CKLF: variants seen among roughly 807,000 people sequenced by gnomAD.
CKLF encodes chemokine-like factor.
In CKLF, 16 loss-of-function variants were observed where a neutral mutation model predicts 12.9. The observed-to-expected ratio is 1.24, with a 90% CI of 0.84 to 1.88. CKLF has a LOEUF of 1.88. Ranked by LOEUF, CKLF falls within the 40% of genes most tolerant of loss-of-function variation. The pLI, the probability that CKLF is intolerant of heterozygous loss-of-function variation, is 0.00. For synonymous variants in CKLF, 61 were observed against 69.0 expected (o/e 0.88, Z 0.57); for missense variants, 172 against 188.5 (o/e 0.91, Z 0.51).
chr16:66,553,241 C>T (rs1422495821), intron 1 of CKLF, among the ~76,000 whole-genome samples: 1 of 151,796 alleles, frequency 6.6e-6, no homozygotes, highest in South Asian at 2.1e-4. Context: ...ACCCACAAAC[C>T]GGGTACCCAG....
chr16:66,563,109 T>C lies in CKLF; in HGVS notation c.238-13T>C. ...GTCTTCATGTAAGGCTCAGCTTTAT[T>C]GTGTGTTTTTAGGATATTATCAACT... On this transcript the variant is annotated splice_polypyrimidine_tract_variant and intron_variant, in intron 2 of 3. Coordinates refer to ENST00000264001, the MANE Select transcript of CKLF (RefSeq NM_016951.4). 6.2e-7 allele frequency: 1 copy of C among 1,614,004 alleles called. No homozygotes were observed. Among genetic ancestry groups the C allele is most frequent in the Non-Finnish European group, 8.5e-7 (1 of 1,179,938 alleles).
rs1179061730 is a variant in CKLF at position 66,552,587 on chromosome 16, G to T, written c.-129G>T. Reference sequence around the variant, plus strand: ...CATGCGCGCAAGAGAGCGGGAAGCCGAGCTGGGCGAGAAGTAGGGGAGGGC... The same window carrying T: ...CATGCGCGCAAGAGAGCGGGAAGCCTAGCTGGGCGAGAAGTAGGGGAGGGC... On this transcript the variant is annotated 5_prime_UTR_variant, in exon 1 of 4. Transcript: ENST00000264001. The T allele has an allele frequency of 2.8e-6, 4 of 1,450,750 alleles. No homozygotes were observed. Among genetic ancestry groups the T allele is most frequent in the Admixed American group, 1.8e-5 (1 of 54,148 alleles). The allele number at this position is 1,450,750 out of a possible 1,614,324, so 89.9% of individuals were successfully genotyped here.
intron 3 of CKLF, among the ~76,000 whole-genome samples, chr16:66,564,498 GTC>G (rs1319325823): frequency 1.2e-4 from 17 of 146,586 alleles, no homozygotes; most frequent in African/African-American, 4.3e-4. Flanking sequence ...GACAGAGTCT[GTC>G]TCTGTCGCCC....
chr16:66,554,492 A>C (rs1264608236), intron 1 of CKLF, among the ~76,000 whole-genome samples: 3 of 152,370 alleles, frequency 2.0e-5, no homozygotes, highest in East Asian at 3.9e-4. Flanking sequence ...GCCAGGCACT[A>C]TTCCAGGCTC....
intron 2 of CKLF, among the ~76,000 whole-genome samples, chr16:66,560,413 C>G (rs2011629204): frequency 6.6e-6 from 1 of 152,032 alleles, no homozygotes; most frequent in Admixed American, 6.6e-5. Context: ...GCCTCCATGT[C>G]TTGAGAGGAT....
At chr16:66,555,113 T>C (rs1390955269) in intron 1 of CKLF, among the ~76,000 whole-genome samples, 1 of 152,094 alleles carries the variant, frequency 6.6e-6, no homozygotes, top group African/African-American at 2.4e-5. Context: ...GGCGTATGCC[T>C]GTAATCTCAG....
Position 66,562,091 on chromosome 16 carries a change from CT to C in CKLF, c.238-1020del, listed in dbSNP as rs36111855. The stretch of plus-strand genomic sequence containing the variant: ...TGCTATTTTAAGTTTTATTAATTGC[CT>C]TTTTTTTTTTGAGACGGAGTAAAAA... On this transcript the variant is annotated intron_variant, in intron 2 of 3. Transcript: ENST00000264001. 8.8e-3 allele frequency among the ~76,000 whole-genome samples: 1,295 copies of C among 146,956 alleles called. 13 individuals are homozygous for C. Among genetic ancestry groups the C allele is most frequent in the African/African-American group, 0.029 (1,143 of 39,944 alleles).
chr16:66,558,418 T>C, intron 2 of CKLF, 70 bp downstream of exon 2: 1 of 1,546,608 alleles, frequency 6.5e-7, no homozygotes, highest in South Asian at 1.3e-5. Flanking sequence ...TGAACTCTGT[T>C]TTTTGCTTCT....
chr16:66,557,044 T>G (rs1042644695), intron 1 of CKLF, among the ~76,000 whole-genome samples: 2 of 152,044 alleles, frequency 1.3e-5, no homozygotes, highest in Non-Finnish European at 2.9e-5. Flanking sequence ...AATTTCAGAG[T>G]TTTTTATGTT....
chr16:66,553,176 A>ACAAAAAC (rs1555529540), intron 1 of CKLF, among the ~76,000 whole-genome samples: 83 of 150,822 alleles, frequency 5.5e-4, no homozygotes, highest in African/African-American at 2.0e-3. Context: ...CAAAAACAAA[A>ACAAAAAC]AAAAACCCTT....
chr16:66,557,123 T>C (rs2011479101), intron 1 of CKLF, among the ~76,000 whole-genome samples: 2 of 152,210 alleles, frequency 1.3e-5, no homozygotes. Flanking sequence ...AAAATGGTAC[T>C]TTGGTAATAA....
intron 1 of CKLF, among the ~76,000 whole-genome samples, chr16:66,557,171 T>G (rs962727067): frequency 6.6e-6 from 1 of 152,168 alleles, no homozygotes; most frequent in East Asian, 1.9e-4. Context: ...TCTGACAATT[T>G]TTTTTGTTTT....
At chr16:66,561,634 A>G (rs1207302698) in intron 2 of CKLF, among the ~76,000 whole-genome samples, 2 of 152,206 alleles carry the variant, frequency 1.3e-5, no homozygotes, top group South Asian at 2.1e-4. Context: ...CAAATATCCA[A>G]CACAGAAGAG....
intron 2 of CKLF, among the ~76,000 whole-genome samples, chr16:66,560,928 C>T (rs944457127): frequency 6.6e-6 from 1 of 151,882 alleles, no homozygotes; most frequent in Admixed American, 6.6e-5. Context: ...ACTGAGCAGG[C>T]AAGGAAAGAG....
chr16:66,562,995 C>A (rs778784184), intron 2 of CKLF, 127 bp from the exon 3 acceptor site: 5 of 992,994 alleles, frequency 5.0e-6, no homozygotes, highest in African/African-American at 3.2e-5. Flanking sequence ...GGATTACAGG[C>A]GGGAGCCAGT....
chr16:66,565,542 T>A (rs978364195), intron 3 of CKLF: 15 of 219,898 alleles, frequency 6.8e-5, no homozygotes, highest in South Asian at 1.7e-4. Context: ...GGGTTAGAAA[T>A]ATTAATAACT....
intron 3 of CKLF, among the ~76,000 whole-genome samples, chr16:66,563,681 G>A (rs1053901794): frequency 6.6e-6 from 1 of 152,222 alleles, no homozygotes; most frequent in African/African-American, 2.4e-5. Context: ...AATAGATGAT[G>A]TCCTTACGGT....
In CKLF at chr16:66,565,993, A is replaced by C. The variant is rs1351678814; in HGVS notation, c.441A>C (p.Glu147Asp). Residue 147 changes from glutamate (E) to aspartate (D), a missense_variant, in exon 4 of 4, where the codon GAA becomes GAC. By Grantham distance (45) the Glu-to-Asp change is conservative (BLOSUM62 2). Coordinates refer to ENST00000264001, the MANE Select transcript of CKLF (RefSeq NM_016951.4). ...CTTACCAGAAAAAGCCTGTGCATGA[A>C]AAAAAAGAAGTTTTGTAATTTTATA... is the stretch of plus-strand genomic sequence containing the variant. ...SGPYQKKPVH[E>D]KKEVL 6.2e-7 allele frequency: 1 copy of C among 1,612,044 alleles called. No individual in the cohort carries two copies. Among genetic ancestry groups the C allele is most frequent in the South Asian group, 1.1e-5 (1 of 90,952 alleles).
At chr16:66,561,688 A>G (rs182636830) in intron 2 of CKLF, among the ~76,000 whole-genome samples, 1 of 152,260 alleles carries the variant, frequency 6.6e-6, no homozygotes, top group African/African-American at 2.4e-5. Context: ...ACAAATGAGA[A>G]CTTTTTTCTT....
Sources: gnomAD v4.1 joint callset for allele counts (sites outside exome capture counted in the v4.1 genomes callset) on GRCh38, gnomAD v4.1.1 for gene constraint, MANE v1.5 for transcripts, NCBI Gene and HGNC (gene_info 2026-07-23, HGNC 2026-07-21) for gene names.